LOC128125817: variants seen among roughly 807,000 people sequenced by gnomAD.
chr1:41,585,715 G>T, the LOC128125817 span, among the ~76,000 whole-genome samples: 1 of 152,142 alleles, frequency 6.6e-6, no homozygotes, highest in African/African-American at 2.4e-5. Flanking sequence ...TGCCTAATCG[G>T]TAAAACAGAT....
At chr1:41,597,494 A>T in the LOC128125817 span, among the ~76,000 whole-genome samples, 1 of 152,108 alleles carries the variant, frequency 6.6e-6, no homozygotes, top group African/African-American at 2.4e-5. Context: ...ACGCAAATTC[A>T]CTCATTTATT....
At chr1:41,598,829 A>ATTTG in the LOC128125817 span, among the ~76,000 whole-genome samples, 1 of 151,746 alleles carries the variant, frequency 6.6e-6, no homozygotes, top group South Asian at 2.1e-4. Flanking sequence ...TTATTTATTT[A>ATTTG]TTTAGGGACA....
the LOC128125817 span, among the ~76,000 whole-genome samples, chr1:41,605,605 A>AAT: frequency 1.0e-3 from 152 of 152,264 alleles, no homozygotes; most frequent in Middle Eastern, 0.01. Flanking sequence ...ACAGGTTCCC[A>AAT]GTACAGGTTG....
At chr1:41,612,866 C>T in the LOC128125817 span, among the ~76,000 whole-genome samples, 1 of 152,168 alleles carries the variant, frequency 6.6e-6, no homozygotes, top group East Asian at 1.9e-4. Flanking sequence ...AGAGCTGGGC[C>T]CTTTAGGGTC....
chr1:41,613,583 G>GA, the LOC128125817 span, among the ~76,000 whole-genome samples: 1 of 151,880 alleles, frequency 6.6e-6, no homozygotes, highest in African/African-American at 2.4e-5. Context: ...AATTCCTTCT[G>GA]AAAAAAGGGG....
the LOC128125817 span, among the ~76,000 whole-genome samples, chr1:41,622,955 A>T: frequency 6.6e-6 from 1 of 152,208 alleles, no homozygotes. Flanking sequence ...GGATATAGCT[A>T]GAGTTGTTAT....
At chr1:41,603,158 C>T in the LOC128125817 span, among the ~76,000 whole-genome samples, 2 of 152,106 alleles carry the variant, frequency 1.3e-5, no homozygotes, top group Non-Finnish European at 2.9e-5. Flanking sequence ...CCTCCACCTC[C>T]CGGGTTCAAG....
chr1:41,601,042 C>T, the LOC128125817 span, among the ~76,000 whole-genome samples: 2 of 152,136 alleles, frequency 1.3e-5, no homozygotes, highest in Non-Finnish European at 2.9e-5. Flanking sequence ...TTTCTTGGCA[C>T]CCGTGTTGAA....
At chr1:41,598,851 T>C in the LOC128125817 span, among the ~76,000 whole-genome samples, 2 of 149,166 alleles carry the variant, frequency 1.3e-5, no homozygotes, top group African/African-American at 4.9e-5. Flanking sequence ...GATCTCATTC[T>C]GTTGCCCAAA....
chr1:41,607,029 G>T, the LOC128125817 span, among the ~76,000 whole-genome samples: 27 of 151,802 alleles, frequency 1.8e-4, no homozygotes, highest in African/African-American at 5.3e-4. Context: ...TCACCATATT[G>T]CTCAGTGTGG....
the LOC128125817 span, among the ~76,000 whole-genome samples, chr1:41,623,690 A>G: frequency 1.9e-4 from 29 of 152,194 alleles, no homozygotes; most frequent in African/African-American, 6.0e-4. Context: ...CCTAAGGCCA[A>G]TGTGCAATCC....
the LOC128125817 span, among the ~76,000 whole-genome samples, chr1:41,598,621 G>A: frequency 6.6e-6 from 1 of 152,156 alleles, no homozygotes; most frequent in Non-Finnish European, 1.5e-5. Context: ...TCTCCACTCA[G>A]TCTGCAAGTA....
At chr1:41,606,110 ACT>A in the LOC128125817 span, among the ~76,000 whole-genome samples, 1 of 149,488 alleles carries the variant, frequency 6.7e-6, no homozygotes, top group Admixed American at 6.6e-5. Context: ...TATGGTACTG[ACT>A]CTCTGCTGTG....
chr1:41,622,916 A>T, the LOC128125817 span, among the ~76,000 whole-genome samples: 2 of 152,214 alleles, frequency 1.3e-5, no homozygotes, highest in Non-Finnish European at 2.9e-5. Context: ...CCCTTTACAC[A>T]TATTCATTTA....
chr1:41,616,239 C>G, the LOC128125817 span, among the ~76,000 whole-genome samples: 2 of 152,252 alleles, frequency 1.3e-5, no homozygotes, highest in Admixed American at 1.3e-4. Context: ...TTAGAGCACC[C>G]CAAGTGGAAC....
At chr1:41,588,501 T>A in the LOC128125817 span, among the ~76,000 whole-genome samples, 2 of 152,116 alleles carry the variant, frequency 1.3e-5, no homozygotes, top group African/African-American at 4.8e-5. Flanking sequence ...AGCTGGGGTT[T>A]GGTGCAATTC....
chr1:41,610,766 C>G, the LOC128125817 span, among the ~76,000 whole-genome samples: 1 of 152,196 alleles, frequency 6.6e-6, no homozygotes, highest in Non-Finnish European at 1.5e-5. Flanking sequence ...CATTCGCACT[C>G]TAGGTCCTGA....
chr1:41,598,155 A>G, the LOC128125817 span, among the ~76,000 whole-genome samples: 14 of 152,230 alleles, frequency 9.2e-5, no homozygotes, highest in Admixed American at 9.2e-4. Flanking sequence ...GCGCAGGCCC[A>G]GCAGGCTTGT....
the LOC128125817 span, among the ~76,000 whole-genome samples, chr1:41,614,498 A>G: frequency 6.6e-6 from 1 of 152,240 alleles, no homozygotes; most frequent in Admixed American, 6.5e-5. Flanking sequence ...AGGAAGTCCC[A>G]ACAGGCTGAG....
Sources: gnomAD v4.1 joint callset for allele counts (sites outside exome capture counted in the v4.1 genomes callset) on GRCh38, gnomAD v4.1.1 for gene constraint, MANE v1.5 for transcripts.